The following KIAA1549L variants were observed in gnomAD, a reference collection of about 807,000 sequenced individuals.
KIAA1549L encodes KIAA1549 like.
A neutral mutation model predicts 160.7 loss-of-function variants in KIAA1549L; 88 were observed. That is an observed-to-expected ratio of 0.55 (90% CI 0.46 to 0.65). The LOEUF is 0.65. KIAA1549L is among the 30% of genes least tolerant of loss of function. KIAA1549L has a pLI of 0.00. For missense variants in KIAA1549L, 2,258 were observed against 2,437.5 expected, an observed-to-expected ratio of 0.93 and a Z score of 1.55; for synonymous variants, 950 against 976.7, an observed-to-expected ratio of 0.97 and a Z score of 0.51.
intron 14 of KIAA1549L, among the ~76,000 whole-genome samples, chr11:33,607,179 T>A (rs1850528949): frequency 1.3e-5 from 2 of 152,134 alleles, no homozygotes; most frequent in African/African-American, 4.8e-5. Flanking sequence ...GGATGTTGCT[T>A]GTAGTGGGGA....
rs541466647 is a variant in KIAA1549L, at chr11:33,397,052, G to A, written c.238+20163G>A. Among the ~76,000 whole-genome samples, 6 of 151,884 alleles carry A rather than the reference G, an allele frequency of 4.0e-5. No individual in the cohort carries two copies. The South Asian group carries it at 1.2e-3, about 32-fold the overall frequency. ...TTGTTTAAAAGTGAAAACGTTTTAG[G>A]TTGGGCGCGGTAGCTCACGCCTGCA... is the stretch of plus-strand genomic sequence containing the variant. On this transcript the variant is annotated intron_variant, in intron 1 of 20. Transcript: ENST00000658780.
chr11:33,475,213 A>G (rs1286354274), intron 1 of KIAA1549L, among the ~76,000 whole-genome samples: 1 of 152,062 alleles, frequency 6.6e-6, no homozygotes, highest in East Asian at 1.9e-4. Flanking sequence ...TAGAAGCTGG[A>G]GGTAGTTTTG....
intron 17 of KIAA1549L, among the ~76,000 whole-genome samples, chr11:33,648,783 C>A (rs909626839): frequency 6.6e-6 from 1 of 151,990 alleles, no homozygotes; most frequent in African/African-American, 2.4e-5. Context: ...AAACATCCTA[C>A]AGCCTTCCTG....
At chr11:33,513,179 C>A (rs1325629495) in intron 1 of KIAA1549L, among the ~76,000 whole-genome samples, 1 of 152,218 alleles carries the variant, frequency 6.6e-6, no homozygotes, top group East Asian at 1.9e-4. Context: ...AAACTGTTCA[C>A]AAATAACCAC....
chr11:33,603,471 G>A (rs1850416110), intron 13 of KIAA1549L, among the ~76,000 whole-genome samples: 1 of 152,104 alleles, frequency 6.6e-6, no homozygotes, highest in African/African-American at 2.4e-5. Context: ...GGAATAGCTA[G>A]TGCAAAATTC....
intron 6 of KIAA1549L, among the ~76,000 whole-genome samples, chr11:33,555,363 A>G (rs1376575343): frequency 1.3e-5 from 2 of 152,220 alleles, no homozygotes; most frequent in Non-Finnish European, 2.9e-5. Flanking sequence ...AGCAATCTTG[A>G]AAAGGAAGAA....
chr11:33,505,737 A>G (rs1049885916), intron 1 of KIAA1549L, among the ~76,000 whole-genome samples: 4 of 152,156 alleles, frequency 2.6e-5, no homozygotes, highest in Admixed American at 1.3e-4. Flanking sequence ...AGTAAAAAGG[A>G]GTCTTCCCTT....
intron 17 of KIAA1549L, among the ~76,000 whole-genome samples, chr11:33,647,485 A>G (rs958576258): frequency 6.6e-6 from 1 of 152,168 alleles, no homozygotes. Flanking sequence ...TGTAATTTAC[A>G]CTTGATCTTT....
intron 17 of KIAA1549L, among the ~76,000 whole-genome samples, chr11:33,650,072 C>T (rs1052001367): frequency 1.3e-5 from 2 of 152,050 alleles, no homozygotes; most frequent in African/African-American, 4.8e-5. Context: ...AAGGAGAGGA[C>T]CTGCACCAGT....
chr11:33,644,877 A>G (rs1350104426), intron 16 of KIAA1549L, among the ~76,000 whole-genome samples: 3 of 152,334 alleles, frequency 2.0e-5, no homozygotes, highest in Admixed American at 2.0e-4. Context: ...TCCCCACCTA[A>G]TGATGGCACA....
intron 1 of KIAA1549L, among the ~76,000 whole-genome samples, chr11:33,388,299 A>G (rs1850211998): frequency 6.6e-6 from 1 of 152,222 alleles, no homozygotes; most frequent in Non-Finnish European, 1.5e-5. Context: ...TGGGGAGAAT[A>G]AAACCATCAG....
chr11:33,640,028 G>C (rs1048752078), intron 16 of KIAA1549L, among the ~76,000 whole-genome samples: 1 of 152,016 alleles, frequency 6.6e-6, no homozygotes, highest in Non-Finnish European at 1.5e-5. Context: ...TTACAATATT[G>C]TTGAATTAAA....
intron 16 of KIAA1549L, among the ~76,000 whole-genome samples, chr11:33,623,343 T>C (rs1157452592): frequency 6.6e-6 from 1 of 152,156 alleles, no homozygotes; most frequent in East Asian, 1.9e-4. Flanking sequence ...TGCTCTTGTG[T>C]TGACCCCACT....
In KIAA1549L at chr11:33,466,221, A is replaced by G. The variant is rs1852054960; in HGVS notation, c.239-75581A>G. 5.9e-5 allele frequency among the ~76,000 whole-genome samples: 9 copies of G among 152,330 alleles called. 1 individual carries two copies. In the South Asian group the frequency reaches 1.9e-3, roughly 32 times the overall value. ...GGGAGAAAATTTTTGCAATCTATCC[A>G]TCTGACAAAGGGCTCATATCCAGAA... On this transcript the variant is annotated intron_variant, in intron 1 of 20. Coordinates refer to ENST00000658780, the MANE Select transcript of KIAA1549L (RefSeq NM_012194.3).
In KIAA1549L at chr11:33,661,022, C is replaced by T; in HGVS notation, c.6159+8C>T. 1 of 1,601,854 alleles carries T rather than the reference C, an allele frequency of 6.2e-7. No homozygotes were observed. The highest frequency in any genetic ancestry group is 2.2e-5 in the East Asian group (1 of 44,502). On this transcript the variant is annotated splice_region_variant and intron_variant, in intron 20 of 20. Transcript: ENST00000658780. ...AGCCAGTGGGCAGATTCGGTGAGAC[C>T]CTTGCTCTTCACCTCATAAAACTTT...
chr11:33,619,157 G>A (rs1376498973), intron 16 of KIAA1549L, among the ~76,000 whole-genome samples: 2 of 152,168 alleles, frequency 1.3e-5, no homozygotes, highest in Non-Finnish European at 2.9e-5. Context: ...GTTCAGTGAC[G>A]TGACCAAGCT....
At chr11:33,463,429 A>G (rs1851982668) in intron 1 of KIAA1549L, among the ~76,000 whole-genome samples, 1 of 152,214 alleles carries the variant, frequency 6.6e-6, no homozygotes, top group Non-Finnish European at 1.5e-5. Flanking sequence ...CACATTAGTT[A>G]TGACGACCAC....
chr11:33,422,464 A>G (rs868346032), intron 1 of KIAA1549L, among the ~76,000 whole-genome samples: 21 of 150,178 alleles, frequency 1.4e-4, no homozygotes, highest in Middle Eastern at 6.9e-3. Flanking sequence ...CTCAGAAGCT[A>G]CTTCCTCCTT....
intron 1 of KIAA1549L, among the ~76,000 whole-genome samples, chr11:33,382,470 A>G (rs1850091207): frequency 6.6e-6 from 1 of 152,154 alleles, no homozygotes; most frequent in South Asian, 2.1e-4. Context: ...TGGAGGCAAC[A>G]CATAAGACAA....
Sources: allele counts gnomAD v4.1 joint callset (sites outside exome capture counted in the v4.1 genomes callset), GRCh38; gene constraint gnomAD v4.1.1; transcripts MANE v1.5; gene names NCBI Gene and HGNC (gene_info 2026-07-23, HGNC 2026-07-21).